The following WDPCP variants were observed in gnomAD, a reference collection of about 807,000 sequenced individuals.
WDPCP encodes WD repeat containing planar cell polarity effector, also known as WD repeat-containing and planar cell polarity effector protein fritz homolog.
Under a neutral mutation model 93.1 loss-of-function variants are expected in WDPCP, and 71 were observed. That is an observed-to-expected ratio of 0.76 (90% confidence interval 0.63 to 0.93). WDPCP has a LOEUF of 0.93. Ranked by LOEUF, WDPCP falls within the 40% of genes least tolerant of loss-of-function variation. The probability of loss-of-function intolerance (pLI) is 0.00; values close to 1 mark genes in which losing one functional copy is unlikely to be tolerated. For missense variants in WDPCP, 844 were observed against 887.4 expected (o/e 0.95, Z 0.62); for synonymous variants, 315 against 315.0 (o/e 1.00, Z 0.00).
intron 1 of WDPCP, among the ~76,000 whole-genome samples, chr2:63,572,306 C>T (rs1181837576): frequency 1.3e-5 from 2 of 152,108 alleles, no homozygotes; most frequent in Non-Finnish European, 2.9e-5. Flanking sequence ...GTCTAACTGC[C>T]AGGAGTAGAT....
intron 12 of WDPCP, among the ~76,000 whole-genome samples, chr2:63,374,052 A>ATTTTTTTTT (rs55949475): frequency 7.4e-6 from 1 of 135,940 alleles, no homozygotes; most frequent in African/African-American, 2.7e-5. Flanking sequence ...CAAGTTTATG[A>ATTTTTTTTT]TTTTTTTTTT....
chr2:63,497,716 T>C (rs937650398), intron 1 of WDPCP, among the ~76,000 whole-genome samples: 1 of 152,172 alleles, frequency 6.6e-6, no homozygotes, highest in Non-Finnish European at 1.5e-5. Context: ...TACTCAAGTG[T>C]GCCACCAGTT....
At chr2:63,808,345 CACGG>C (rs1278584007) in intron 2 of WDPCP, among the ~76,000 whole-genome samples, 186 of 122,034 alleles carry the variant, frequency 1.5e-3, no homozygotes, top group South Asian at 3.6e-3. Context: ...CCCCTCTCCC[CACGG>C]TCTCCCTCTC....
chr2:63,219,847 A>G (rs1358927755), intron 14 of WDPCP, among the ~76,000 whole-genome samples: 3 of 152,084 alleles, frequency 2.0e-5, no homozygotes, highest in African/African-American at 7.2e-5. Context: ...TACTGAAAAT[A>G]CAAAAATTAG....
chr2:63,201,719 G>A (rs1675928161), intron 14 of WDPCP, among the ~76,000 whole-genome samples: 2 of 152,024 alleles, frequency 1.3e-5, no homozygotes, highest in South Asian at 4.1e-4. Context: ...AAGGTAATTT[G>A]TCATTTAGGA....
At chr2:63,296,720 T>TATTTTTA (rs1192691278) in intron 13 of WDPCP, among the ~76,000 whole-genome samples, 19 of 152,084 alleles carry the variant, frequency 1.2e-4, no homozygotes, top group African/African-American at 4.6e-4. Context: ...AAATACCTAG[T>TATTTTTA]AGTATATTTA....
chr2:63,335,030 T>A (rs968459612), intron 12 of WDPCP, among the ~76,000 whole-genome samples: 2 of 152,174 alleles, frequency 1.3e-5, no homozygotes, highest in South Asian at 4.1e-4. Context: ...GACAAATGCA[T>A]ATCTGATTGC....
At chr2:63,266,191 CT>C (rs367619447) in intron 13 of WDPCP, among the ~76,000 whole-genome samples, 3 of 152,252 alleles carry the variant, frequency 2.0e-5, no homozygotes, top group African/African-American at 7.2e-5. Context: ...AAAAAGTATC[CT>C]TATAGGAAAG....
chr2:63,724,582 A>G (rs1048042560), intron 2 of WDPCP, among the ~76,000 whole-genome samples: 1 of 152,236 alleles, frequency 6.6e-6, no homozygotes, highest in Non-Finnish European at 1.5e-5. Context: ...ATAAAATTTC[A>G]GGATATAAAA....
At chr2:63,137,356 T>C (rs971998414) in intron 17 of WDPCP, among the ~76,000 whole-genome samples, 1 of 152,132 alleles carries the variant, frequency 6.6e-6, no homozygotes, top group Admixed American at 6.5e-5. Flanking sequence ...GTTGTTTGTA[T>C]GTATGATTCT....
At chr2:63,631,448 T>C (rs1709863748) in intron 3 of WDPCP, among the ~76,000 whole-genome samples, 1 of 150,636 alleles carries the variant, frequency 6.6e-6, no homozygotes, top group African/African-American at 2.4e-5. Flanking sequence ...AAGGGAAAAA[T>C]AAACATAAAA....
intron 13 of WDPCP, among the ~76,000 whole-genome samples, chr2:63,277,487 G>C (rs1683178797): frequency 6.6e-6 from 1 of 152,132 alleles, no homozygotes; most frequent in Non-Finnish European, 1.5e-5. Context: ...CACCAACCAA[G>C]TTTCTCTTGT....
intron 1 of WDPCP, among the ~76,000 whole-genome samples, chr2:63,509,147 A>G (rs559065049): frequency 1.1e-4 from 16 of 152,326 alleles, no homozygotes; most frequent in African/African-American, 2.9e-4. Flanking sequence ...TCAGCACCAC[A>G]TAGCCCTTAT....
intron 1 of WDPCP, among the ~76,000 whole-genome samples, chr2:63,825,911 T>G (rs1671106298): frequency 6.6e-6 from 1 of 152,136 alleles, no homozygotes; most frequent in Non-Finnish European, 1.5e-5. Flanking sequence ...TCCTTATGAT[T>G]TCCTTATCTA....
intron 14 of WDPCP, among the ~76,000 whole-genome samples, chr2:63,191,151 G>A (rs1675008275): frequency 6.6e-6 from 1 of 152,188 alleles, no homozygotes; most frequent in African/African-American, 2.4e-5. Context: ...CCAGCACTTT[G>A]GGAGGCTGAG....
At chr2:63,174,061 T>C (rs570078214) in intron 15 of WDPCP, among the ~76,000 whole-genome samples, 3 of 152,302 alleles carry the variant, frequency 2.0e-5, no homozygotes, top group African/African-American at 7.2e-5. Flanking sequence ...TTGCAAAAGT[T>C]TGTCTGGGCT....
At chr2:63,769,911 C>T (rs1204829184) in intron 2 of WDPCP, among the ~76,000 whole-genome samples, 1 of 151,850 alleles carries the variant, frequency 6.6e-6, no homozygotes. Flanking sequence ...TTCAGAGTCA[C>T]TATTTCCTTC....
chr2:63,433,662 T>C, intron 9 of WDPCP, 83 bp downstream of exon 9: 1 of 1,309,562 alleles, frequency 7.6e-7, no homozygotes, highest in Non-Finnish European at 1.0e-6. Context: ...TAAAAAATAT[T>C]CACATTTATT....
intron 3 of WDPCP, among the ~76,000 whole-genome samples, chr2:63,598,614 A>T (rs1279448927): frequency 6.6e-6 from 1 of 152,192 alleles, no homozygotes; most frequent in Non-Finnish European, 1.5e-5. Context: ...CATTTCATAG[A>T]TATCTGCATT....
Sources: allele counts gnomAD v4.1 joint callset (sites outside exome capture counted in the v4.1 genomes callset), GRCh38; gene constraint gnomAD v4.1.1; transcripts MANE v1.5; gene names NCBI Gene and HGNC (gene_info 2026-07-23, HGNC 2026-07-21).